The following SNX29 variants were observed in gnomAD, a reference collection of about 807,000 sequenced individuals.
SNX29 encodes the protein sorting nexin-29.
Under a neutral mutation model 102.1 loss-of-function variants are expected in SNX29, and 78 were observed. The observed-to-expected ratio is 0.76, with a 90% CI of 0.64 to 0.92. SNX29 has a LOEUF of 0.92. SNX29 is among the 40% of genes least tolerant of loss of function. The pLI, the probability that SNX29 is intolerant of heterozygous loss-of-function variation, is 0.00. For missense variants in SNX29, 1,280 were observed against 1,061.7 expected, an observed-to-expected ratio of 1.21 and a Z score of -2.86; for synonymous variants, 580 against 414.5, an observed-to-expected ratio of 1.40 and a Z score of -4.85.
chr16:12,555,778 G>C (rs185307899), intron 20 of SNX29, among the ~76,000 whole-genome samples: 2,326 of 152,204 alleles, frequency 0.015, 55 homozygotes, highest in African/African-American at 0.052. Context: ...CTGCTCAGTG[G>C]CACCAGGCAG....
At chr16:12,317,509 G>A (rs926394195) in intron 15 of SNX29, among the ~76,000 whole-genome samples, 1 of 152,192 alleles carries the variant, frequency 6.6e-6, no homozygotes, top group African/African-American at 2.4e-5. Flanking sequence ...TGCCTTTAGA[G>A]CCACAGTGGC....
At chr16:12,158,084 C>T (rs2055629148) in intron 13 of SNX29, among the ~76,000 whole-genome samples, 1 of 145,608 alleles carries the variant, frequency 6.9e-6, no homozygotes, top group Non-Finnish European at 1.5e-5. Context: ...GTTGCTGCTG[C>T]TTTTTTTTTT....
intron 18 of SNX29, among the ~76,000 whole-genome samples, chr16:12,446,452 G>C (rs1378417481): frequency 1.3e-5 from 2 of 152,214 alleles, no homozygotes; most frequent in African/African-American, 4.8e-5. Flanking sequence ...CATCTGGTGG[G>C]ATATTTAATG....
intron 14 of SNX29, among the ~76,000 whole-genome samples, chr16:12,269,082 C>G (rs376638859): frequency 6.6e-6 from 1 of 152,240 alleles, no homozygotes; most frequent in Admixed American, 6.5e-5. Flanking sequence ...TGTCTATATA[C>G]TTCTACCAAA....
chr16:12,390,639 C>T (rs891849322), intron 16 of SNX29, among the ~76,000 whole-genome samples: 14 of 152,164 alleles, frequency 9.2e-5, no homozygotes, highest in Non-Finnish European at 1.9e-4. Context: ...CTGCCAAACC[C>T]CAAAACCACC....
intron 15 of SNX29, among the ~76,000 whole-genome samples, chr16:12,301,616 T>G (rs761616822): frequency 3.3e-5 from 5 of 152,254 alleles, no homozygotes; most frequent in African/African-American, 9.6e-5. Flanking sequence ...TCTTCTCGAT[T>G]ACGTCGTTGT....
chr16:12,019,730 G>A (rs1483198048), intron 3 of SNX29, among the ~76,000 whole-genome samples: 1 of 150,246 alleles, frequency 6.7e-6, no homozygotes, highest in Non-Finnish European at 1.5e-5. Context: ...TCTGCCTCCC[G>A]GGTTCAAGCG....
chr16:12,093,665 C>G (rs1390185562), intron 11 of SNX29: 1 of 152,198 alleles, frequency 6.6e-6, no homozygotes, highest in African/African-American at 2.4e-5. Context: ...CTCGTTTTCC[C>G]AGTCCTTGAA....
chr16:12,468,919 C>T (rs1236433972), intron 18 of SNX29, among the ~76,000 whole-genome samples: 3 of 152,232 alleles, frequency 2.0e-5, no homozygotes, highest in Admixed American at 6.5e-5. Context: ...CACTTCCGGC[C>T]ATGCCAGTTT....
intron 20 of SNX29, among the ~76,000 whole-genome samples, chr16:12,540,590 T>C (rs955688000): frequency 6.6e-6 from 1 of 152,184 alleles, no homozygotes; most frequent in Non-Finnish European, 1.5e-5. Context: ...GCAATTACTC[T>C]GGGACCCTGA....
intron 15 of SNX29, among the ~76,000 whole-genome samples, chr16:12,302,665 C>A (rs1029216919): frequency 2.6e-5 from 4 of 152,208 alleles, no homozygotes; most frequent in Non-Finnish European, 4.4e-5. Context: ...TAATACATTA[C>A]CTTGGGGGTT....
chr16:12,544,077 G>T (rs1019860324), intron 20 of SNX29, among the ~76,000 whole-genome samples: 1 of 152,188 alleles, frequency 6.6e-6, no homozygotes, highest in Non-Finnish European at 1.5e-5. Flanking sequence ...TAGGGGTAGA[G>T]GTCTTTCTGC....
At position 12,449,353 on chromosome 16, in the gene SNX29, AG is replaced by A. The variant is rs146689051; in HGVS notation, c.2038-28364del. 9.4e-3 allele frequency among the ~76,000 whole-genome samples: 1,432 copies of A among 151,974 alleles called. 82 individuals carry two copies. The East Asian group carries it at 0.16, about 17-fold the overall frequency. ...CACGGTGGGGACAAGCAGAGGGAAC[AG>A]GCTTGAGAATAGGCACGGCAAGGAC... On this transcript the variant is annotated intron_variant, in intron 18 of 20. Transcript: ENST00000566228.
At chr16:12,217,052 A>G (rs1342782773) in intron 14 of SNX29, among the ~76,000 whole-genome samples, 1 of 152,184 alleles carries the variant, frequency 6.6e-6, no homozygotes, top group East Asian at 1.9e-4. Flanking sequence ...GTTTTGAGAC[A>G]GGGTGTCCCT....
chr16:12,196,746 T>C (rs897638406), intron 13 of SNX29, among the ~76,000 whole-genome samples: 7 of 151,776 alleles, frequency 4.6e-5, no homozygotes, highest in Admixed American at 2.6e-4. Context: ...TCAGCCTCTT[T>C]AGTAGCTGGG....
chr16:12,446,376 GA>G (rs1236098101), intron 18 of SNX29, among the ~76,000 whole-genome samples: 1 of 152,122 alleles, frequency 6.6e-6, no homozygotes, highest in Non-Finnish European at 1.5e-5. Flanking sequence ...TTGAGACAAG[GA>G]AACTCCTTTC....
At chr16:11,987,760 C>T (rs918734668) in intron 1 of SNX29, among the ~76,000 whole-genome samples, 19 of 152,158 alleles carry the variant, frequency 1.2e-4, no homozygotes, top group Non-Finnish European at 2.6e-4. Flanking sequence ...ATGTATAGTG[C>T]GTTTCTCAGG....
chr16:12,407,365 CCTA>C (rs2084208726), intron 18 of SNX29, among the ~76,000 whole-genome samples: 1 of 150,894 alleles, frequency 6.6e-6, no homozygotes, highest in African/African-American at 2.4e-5. Flanking sequence ...ACATTTGCCT[CCTA>C]GTTATGTCAC....
At chr16:12,301,511 C>G (rs1008025713) in intron 15 of SNX29, among the ~76,000 whole-genome samples, 1 of 152,256 alleles carries the variant, frequency 6.6e-6, no homozygotes, top group African/African-American at 2.4e-5. Flanking sequence ...GAGGCCTTCC[C>G]TGGCAGTCCA....
Sources: gnomAD v4.1 joint callset for allele counts (sites outside exome capture counted in the v4.1 genomes callset) on GRCh38, gnomAD v4.1.1 for gene constraint, MANE v1.5 for transcripts, NCBI Gene and HGNC (gene_info 2026-07-23, HGNC 2026-07-21) for gene names.